Variants in ZFAND3 observed in about 807,000 individuals in gnomAD.
The protein encoded by ZFAND3 is AN1-type zinc finger protein 3.
ZFAND3 carries 10 observed loss-of-function variants against 29.6 expected under a neutral mutation model. The observed-to-expected ratio is 0.34, with a 90% confidence interval of 0.21 to 0.57. ZFAND3 has a LOEUF of 0.57. Ranked by LOEUF, ZFAND3 falls within the 20% of genes least tolerant of loss-of-function variation. The pLI is 0.86. For synonymous variants in ZFAND3, 128 were observed against 112.6 expected (o/e 1.14, Z -0.87); for missense variants, 230 against 304.5 (o/e 0.76, Z 1.82).
At chr6:38,144,174 A>ATATATAT (rs1177494381) in intron 5 of ZFAND3, among the ~76,000 whole-genome samples, 1 of 17,684 alleles carries the variant, frequency 5.7e-5, no homozygotes, top group Non-Finnish European at 1.1e-4. Context: ...AAAATGTGAT[A>ATATATAT]TATATATATA....
intron 2 of ZFAND3, among the ~76,000 whole-genome samples, chr6:37,969,360 G>GT (rs766831688): frequency 9.2e-5 from 14 of 152,274 alleles, no homozygotes; most frequent in East Asian, 1.9e-4. Flanking sequence ...TGAAAATGCC[G>GT]TAAGTCAAAA....
intron 1 of ZFAND3, among the ~76,000 whole-genome samples, chr6:37,871,287 T>C (rs1211842690): frequency 6.6e-6 from 1 of 152,258 alleles, no homozygotes; most frequent in African/African-American, 2.4e-5. Context: ...ATTGTAATTT[T>C]TGGTCCAGAA....
chr6:38,109,037 T>C (rs1407960931), intron 4 of ZFAND3, among the ~76,000 whole-genome samples: 3 of 151,952 alleles, frequency 2.0e-5, no homozygotes, highest in Non-Finnish European at 1.5e-5. Context: ...AAGGGTGTCC[T>C]CTCTCAACAC....
At chr6:37,934,044 C>T (rs532549511) in intron 2 of ZFAND3, among the ~76,000 whole-genome samples, 8 of 151,826 alleles carry the variant, frequency 5.3e-5, no homozygotes, top group African/African-American at 1.7e-4. Context: ...TGCGCCACCA[C>T]GCCTGGCTAA....
chr6:37,889,027 A>G (rs567789973), intron 1 of ZFAND3, among the ~76,000 whole-genome samples: 1 of 152,316 alleles, frequency 6.6e-6, no homozygotes, highest in African/African-American at 2.4e-5. Context: ...GAGTAACACA[A>G]GCATAAACTA....
intron 4 of ZFAND3, among the ~76,000 whole-genome samples, chr6:38,097,883 G>A (rs540809551): frequency 2.2e-4 from 34 of 152,318 alleles, no homozygotes; most frequent in African/African-American, 8.2e-4. Context: ...GACATGGAAA[G>A]GAGGTAGAAG....
At chr6:37,854,312 T>A (rs1232535858) in intron 1 of ZFAND3, among the ~76,000 whole-genome samples, 1 of 152,186 alleles carries the variant, frequency 6.6e-6, no homozygotes, top group South Asian at 2.1e-4. Flanking sequence ...AAACAACAGA[T>A]AAAACATTTT....
chr6:38,113,369 A>G (rs1237225193), intron 4 of ZFAND3, among the ~76,000 whole-genome samples: 1 of 152,188 alleles, frequency 6.6e-6, no homozygotes, highest in Non-Finnish European at 1.5e-5. Context: ...TGGCAGCATC[A>G]GAAACCTCCT....
At position 37,942,186 on chromosome 6, in the gene ZFAND3, T is replaced by C. The variant is rs186731807; in HGVS notation, c.112+12187T>C. On this transcript the variant is annotated intron_variant, in intron 2 of 5. Coordinates refer to ENST00000287218, the MANE Select transcript of ZFAND3 (RefSeq NM_021943.3). ...AATAAAACATGGCACCTCTGAATGG[T>C]GCTGATACTCATTTGGGAATAAAAG... Among the ~76,000 whole-genome samples the C allele has an allele frequency of 1.7e-3, 252 of 152,190 alleles. 1 individual carries two copies. The highest frequency in any genetic ancestry group is 5.8e-3 in the African/African-American group (241 of 41,538).
chr6:37,941,484 G>A (rs1204411247), intron 2 of ZFAND3, among the ~76,000 whole-genome samples: 1 of 152,182 alleles, frequency 6.6e-6, no homozygotes, highest in African/African-American at 2.4e-5. Context: ...GGTGGGGGGA[G>A]TGTTTTTGTC....
chr6:37,915,011 G>T (rs1561932503), intron 1 of ZFAND3, among the ~76,000 whole-genome samples: 1 of 152,104 alleles, frequency 6.6e-6, no homozygotes. Context: ...TTGGCATTGA[G>T]AATCTGTTGT....
intron 1 of ZFAND3, among the ~76,000 whole-genome samples, chr6:37,822,523 T>C (rs1455205729): frequency 6.6e-6 from 1 of 152,194 alleles, no homozygotes; most frequent in African/African-American, 2.4e-5. Flanking sequence ...AAACTTAGAA[T>C]ATATTTAACA....
At chr6:37,916,957 A>G (rs951602065) in intron 1 of ZFAND3, among the ~76,000 whole-genome samples, 2 of 152,160 alleles carry the variant, frequency 1.3e-5, no homozygotes, top group Non-Finnish European at 2.9e-5. Context: ...GTAGACTGTC[A>G]TGGTATCTGT....
intron 2 of ZFAND3, among the ~76,000 whole-genome samples, chr6:38,060,711 A>G (rs1764220479): frequency 6.6e-6 from 1 of 152,180 alleles, no homozygotes; most frequent in South Asian, 2.1e-4. Flanking sequence ...TCAGTCTTCA[A>G]AAATGCTAAG....
At chr6:38,139,919 G>A (rs576878953) in intron 5 of ZFAND3, among the ~76,000 whole-genome samples, 3 of 152,210 alleles carry the variant, frequency 2.0e-5, no homozygotes, top group Non-Finnish European at 4.4e-5. Context: ...GCTTTGACTA[G>A]GTGGTGGCAG....
At chr6:37,855,238 A>G (rs943029880) in intron 1 of ZFAND3, among the ~76,000 whole-genome samples, 2 of 147,974 alleles carry the variant, frequency 1.4e-5, no homozygotes, top group Admixed American at 1.4e-4. Flanking sequence ...TCCACCTCCC[A>G]GGTTCAGGCA....
At chr6:37,971,207 A>G (rs1762382386) in intron 2 of ZFAND3, among the ~76,000 whole-genome samples, 1 of 152,112 alleles carries the variant, frequency 6.6e-6, no homozygotes. Flanking sequence ...TTGAACCCAT[A>G]ATCTGAGACC....
At chr6:38,142,912 A>G (rs1203662006) in intron 5 of ZFAND3, 2 of 153,988 alleles carry the variant, frequency 1.3e-5, no homozygotes, top group South Asian at 2.0e-4. Flanking sequence ...TCCAGATAAA[A>G]CAGCCTAGCA....
intron 2 of ZFAND3, among the ~76,000 whole-genome samples, chr6:37,930,674 A>G (rs966683760): frequency 6.2e-4 from 94 of 152,190 alleles, no homozygotes; most frequent in African/African-American, 2.2e-3. Flanking sequence ...CCCAGAGGTA[A>G]TTGGTTAACT....
Sources: allele counts gnomAD v4.1 joint callset (sites outside exome capture counted in the v4.1 genomes callset), GRCh38; gene constraint gnomAD v4.1.1; transcripts MANE v1.5; gene names NCBI Gene and HGNC (gene_info 2026-07-23, HGNC 2026-07-21).